Variants in SLCO4A1 observed in about 807,000 individuals in gnomAD.
SLCO4A1 encodes the protein colon organic anion transporter.
SLCO4A1 carries 51 observed loss-of-function variants against 64.6 expected under a neutral mutation model. The ratio of observed to expected loss-of-function variants is 0.79; its 90% CI spans 0.63 to 1.00. The LOEUF (loss-of-function observed/expected upper bound fraction) is 1.00. SLCO4A1 is among the 50% of genes least tolerant of loss of function. The pLI is 0.00. For synonymous variants in SLCO4A1, 471 were observed against 444.9 expected (o/e 1.06, Z -0.74); for missense variants, 919 against 980.5 (o/e 0.94, Z 0.84).
chr20:62,663,646 T>C (rs1463578139), intron 5 of SLCO4A1, among the ~76,000 whole-genome samples: 1 of 152,188 alleles, frequency 6.6e-6, no homozygotes, highest in African/African-American at 2.4e-5. Flanking sequence ...ACAATAGCTG[T>C]GTCTGCAAAC....
intron 1 of SLCO4A1, among the ~76,000 whole-genome samples, chr20:62,655,116 T>C (rs1193121773): frequency 6.6e-6 from 1 of 152,240 alleles, no homozygotes; most frequent in Non-Finnish European, 1.5e-5. Context: ...ACAGCTTCTT[T>C]TAGGGGTCAC....
chr20:62,647,705 G>A (rs1981609259), intron 1 of SLCO4A1, among the ~76,000 whole-genome samples: 2 of 152,248 alleles, frequency 1.3e-5, no homozygotes, highest in South Asian at 4.1e-4. Context: ...GGGGCCTAGG[G>A]AAGTAGGTGG....
Position 62,656,963 on chromosome 20 carries a change from C to T in SLCO4A1, c.509C>T (p.Pro170Leu), listed in dbSNP as rs768316547. ...VSYFGGSGHK[P>L]RWLGWGVLLM... ...TACTTCGGGGGCTCAGGGCACAAGC[C>T]GCGCTGGCTGGGCTGGGGCGTGCTG... The change falls in exon 2 of 12, where the codon CCG becomes CTG. Residue 170 changes from proline (P) to leucine (L), a missense_variant. Physicochemically the swap from Pro to Leu is moderately conservative, Grantham distance 98 (BLOSUM62 -3). Coordinates refer to ENST00000217159, the MANE Select transcript of SLCO4A1 (RefSeq NM_016354.4). The T allele has an allele frequency of 1.2e-5, 19 of 1,563,894 alleles. No homozygotes were observed. Among genetic ancestry groups the T allele is most frequent in the East Asian group, 6.8e-5 (3 of 44,198 alleles).
chr20:62,690,608 C>T (rs914736602), downstream of SLCO4A1, among the ~76,000 whole-genome samples: 1 of 152,234 alleles, frequency 6.6e-6, no homozygotes, highest in Non-Finnish European at 1.5e-5. Flanking sequence ...CTTTCATGGA[C>T]GCATTCTGAG....
intron 5 of SLCO4A1, chr20:62,663,539 C>A (rs1330882895): frequency 6.6e-6 from 1 of 152,218 alleles, no homozygotes; most frequent in Non-Finnish European, 1.5e-5. Flanking sequence ...TGAAAATTTG[C>A]ATTACTGTGG....
intron 1 of SLCO4A1, among the ~76,000 whole-genome samples, 198 bp from the exon 2 acceptor site, chr20:62,656,161 C>T (rs1026828621): frequency 1.3e-5 from 2 of 152,262 alleles, no homozygotes; most frequent in African/African-American, 2.4e-5. Context: ...CCCACCTTTC[C>T]GCAGCGGAGC....
At chr20:62,659,513 G>C (rs1220063843) in intron 3 of SLCO4A1, among the ~76,000 whole-genome samples, 1 of 152,230 alleles carries the variant, frequency 6.6e-6, no homozygotes, top group Non-Finnish European at 1.5e-5. Context: ...GTGGGGTCAA[G>C]TGTGTGCGTT....
At chr20:62,667,310 G>T (rs916336615) in intron 7 of SLCO4A1, among the ~76,000 whole-genome samples, 4 of 152,242 alleles carry the variant, frequency 2.6e-5, no homozygotes, top group Non-Finnish European at 5.9e-5. Context: ...CTGCCGAGGG[G>T]CGTGTACGTG....
intron 3 of SLCO4A1, 49 bp from the exon 4 acceptor site, chr20:62,660,363 G>A: frequency 6.3e-7 from 1 of 1,584,322 alleles, no homozygotes; most frequent in Non-Finnish European, 8.5e-7. Context: ...TGCCATGGAG[G>A]GCACAGGTGG....
At chr20:62,670,777 C>T (rs994129520) in intron 11 of SLCO4A1, among the ~76,000 whole-genome samples, 15 of 152,228 alleles carry the variant, frequency 9.9e-5, no homozygotes, top group South Asian at 2.1e-4. Context: ...GCAGCGCATG[C>T]GTCCATGTTA....
chr20:62,679,131 G>A (rs1457094631), intron 2 of SLCO4A1, among the ~76,000 whole-genome samples: 1 of 151,852 alleles, frequency 6.6e-6, no homozygotes, highest in Non-Finnish European at 1.5e-5. Context: ...TTGAAGCTGG[G>A]AGGCAAAGGC....
chr20:62,654,761 C>T (rs1242334782), intron 1 of SLCO4A1, among the ~76,000 whole-genome samples: 3 of 152,166 alleles, frequency 2.0e-5, no homozygotes, highest in African/African-American at 4.8e-5. Context: ...AATATGGACA[C>T]GCCACCGCCC....
intron 5 of SLCO4A1, 67 bp from the exon 6 acceptor site, chr20:62,664,867 C>G (rs1226892211): frequency 3.4e-6 from 5 of 1,467,846 alleles, no homozygotes; most frequent in Admixed American, 2.3e-5. Flanking sequence ...AGTCTCTTCT[C>G]CACACCCCGA....
intron 1 of SLCO4A1, among the ~76,000 whole-genome samples, chr20:62,646,596 G>A (rs1439399474): frequency 6.6e-6 from 1 of 152,268 alleles, no homozygotes; most frequent in Non-Finnish European, 1.5e-5. Flanking sequence ...GGGACCTGCG[G>A]CAGGCAGGGC....
intron 1 of SLCO4A1, chr20:62,651,362 A>G (rs1432663068): frequency 1.3e-5 from 2 of 152,190 alleles, no homozygotes; most frequent in Non-Finnish European, 2.9e-5. Flanking sequence ...TGAGATTCAG[A>G]TAAGGGAGGC....
chr20:62,678,954 C>T (rs1292122723), intron 2 of SLCO4A1, among the ~76,000 whole-genome samples: 3 of 152,142 alleles, frequency 2.0e-5, no homozygotes, highest in African/African-American at 7.2e-5. Context: ...CAAGGTGGCT[C>T]GCGCCTATAA....
intron 1 of SLCO4A1, among the ~76,000 whole-genome samples, chr20:62,653,235 C>T: frequency 6.6e-6 from 1 of 152,208 alleles, no homozygotes; most frequent in East Asian, 1.9e-4. Context: ...CGCGCCTCGG[C>T]AGAGGACGTG....
rs58039100 is a variant in SLCO4A1 at position 62,661,041 on chromosome 20, C to CCAGCCCA, written c.1010-23_1010-22insCAGCCCA. 1.4e-6 allele frequency: 2 copies of CCAGCCCA among 1,424,138 alleles called. No homozygotes were observed. The highest frequency in any genetic ancestry group is 2.3e-5 in the East Asian group (1 of 43,850). 88.2% of individuals were successfully genotyped at this position (1,424,138 alleles called of 1,614,324 possible). On this transcript the variant is annotated intron_variant, in intron 4 of 11. Transcript: ENST00000217159. This position sits in a 1 kb window ranked among gnomAD's most constrained non-coding sequence, Gnocchi z 5.2. ...TCCGGGAGCCCCCAGCCCCCAGCCC[C>CCAGCCCA]AGCTCACTCTGTGCCCTTCCAGGCT...
At chr20:62,647,025 T>G (rs1981466804) in intron 1 of SLCO4A1, among the ~76,000 whole-genome samples, 1 of 152,226 alleles carries the variant, frequency 6.6e-6, no homozygotes, top group South Asian at 2.1e-4. Flanking sequence ...AATCCTTCAT[T>G]GTCGGCCCCA....
Sources: allele counts gnomAD v4.1 joint callset (sites outside exome capture counted in the v4.1 genomes callset), GRCh38; gene constraint gnomAD v4.1.1; non-coding constraint Gnocchi (gnomAD v3.1); transcripts MANE v1.5; gene names NCBI Gene and HGNC (gene_info 2026-07-23, HGNC 2026-07-21).